Variants in PCDHA1 observed in about 807,000 individuals in gnomAD.
PCDHA1 encodes protocadherin alpha 1.
In PCDHA1, 42 loss-of-function variants were observed where a neutral mutation model predicts 61.3. The ratio of observed to expected loss-of-function variants is 0.69; its 90% CI spans 0.54 to 0.89. The LOEUF is 0.89. PCDHA1 is among the 40% of genes least tolerant of loss of function. PCDHA1 has a pLI of 0.00. For missense variants in PCDHA1, 1,256 were observed against 1,235.3 expected (o/e 1.02, Z -0.25); for synonymous variants, 610 against 553.8 (o/e 1.10, Z -1.43).
At position 140,848,233 on chromosome 5, in the gene PCDHA1, TAA is replaced by T. The variant is rs1363334655; in HGVS notation, c.2394+59550_2394+59551del. The stretch of plus-strand genomic sequence containing the variant: ...TTAAGAAAAAATTAAGAAAATGAAA[TAA>T]GTTTTGCAGAATAACTGTGAAATTT... On this transcript the variant is annotated intron_variant, in intron 1 of 3. Transcript: ENST00000504120. The T allele has an allele frequency of 7.5e-5, 31 of 410,834 alleles. 1 individual carries two copies. Among genetic ancestry groups the T allele is most frequent in the Middle Eastern group, 1.3e-3 (2 of 1,546 alleles). 25.4% of individuals were successfully genotyped at this position (410,834 alleles called of 1,614,324 possible).
At chr5:140,878,174 T>C (rs1554170323) in intron 1 of PCDHA1, 2 of 167,818 alleles carry the variant, frequency 1.2e-5, no homozygotes, top group African/African-American at 2.4e-5. Flanking sequence ...TGTTCATAAT[T>C]TCAAGATTAC....
chr5:140,974,605 G>T (rs2096633635), intron 1 of PCDHA1, among the ~76,000 whole-genome samples: 1 of 152,088 alleles, frequency 6.6e-6, no homozygotes, highest in Non-Finnish European at 1.5e-5. Context: ...TCTGCCTCCA[G>T]GGTTCAAGCG....
intron 1 of PCDHA1, chr5:140,852,656 G>C (rs2042430108): frequency 1.0e-6 from 1 of 961,570 alleles, no homozygotes; most frequent in African/African-American, 1.8e-5. Context: ...ATCTATATCT[G>C]TCTATCAGCA....
At chr5:140,829,826 G>C (rs2150175496) in intron 1 of PCDHA1, 2 of 1,613,796 alleles carry the variant, frequency 1.2e-6, no homozygotes, top group East Asian at 4.5e-5. Context: ...TGCAGTGAGC[G>C]AGCTGGTGCC....
At chr5:140,843,320 G>C in intron 1 of PCDHA1, 2 of 1,596,056 alleles carry the variant, frequency 1.3e-6, no homozygotes, top group Non-Finnish European at 1.7e-6. Context: ...CACGGTTCTG[G>C]TGTCGCTGGT....
intron 1 of PCDHA1, chr5:140,801,879 C>T (rs916926468): frequency 1.9e-6 from 3 of 1,614,128 alleles, no homozygotes; most frequent in Non-Finnish European, 2.5e-6. Flanking sequence ...CACGACTCAA[C>T]TAAAGATCAC....
chr5:140,847,157 T>G (rs1780881286), intron 1 of PCDHA1, among the ~76,000 whole-genome samples: 1 of 149,630 alleles, frequency 6.7e-6, no homozygotes. Context: ...TCTTGATTTC[T>G]GAGTAATAAA....
chr5:140,857,949 G>A (rs1554150927), intron 1 of PCDHA1: 3 of 1,597,424 alleles, frequency 1.9e-6, no homozygotes, highest in Non-Finnish European at 2.6e-6. Flanking sequence ...AGTACGACGC[G>A]CGCTCTGGAT....
At chr5:140,842,984 G>C in intron 1 of PCDHA1, 2 of 1,595,034 alleles carry the variant, frequency 1.3e-6, no homozygotes. Flanking sequence ...GCAGGTGTTC[G>C]TGCTGGACGA....
At chr5:140,875,667 G>A (rs376967983) in intron 1 of PCDHA1, 10 of 1,613,820 alleles carry the variant, frequency 6.2e-6, no homozygotes, top group East Asian at 4.5e-5. Flanking sequence ...GCCTGTTCCG[G>A]GTGGCGTCCA....
intron 1 of PCDHA1, among the ~76,000 whole-genome samples, chr5:140,957,462 T>C (rs574379806): frequency 8.3e-4 from 126 of 152,308 alleles, no homozygotes; most frequent in African/African-American, 2.9e-3. Context: ...ATCATAGGTA[T>C]GTATGTATAG....
intron 1 of PCDHA1, among the ~76,000 whole-genome samples, chr5:140,845,833 T>G (rs1323820046): frequency 2.0e-5 from 3 of 149,812 alleles, no homozygotes; most frequent in Non-Finnish European, 4.5e-5. Context: ...GTTATTACCA[T>G]TCTTAAGAGA....
chr5:140,798,355 G>A (rs973220775), intron 1 of PCDHA1, among the ~76,000 whole-genome samples: 3 of 152,126 alleles, frequency 2.0e-5, no homozygotes, highest in African/African-American at 7.2e-5. Context: ...TAACATTTTT[G>A]AGTTATCAGG....
At chr5:140,835,709 C>T (rs2150242768) in intron 1 of PCDHA1, 29 of 1,613,350 alleles carry the variant, frequency 1.8e-5, no homozygotes, top group Middle Eastern at 3.3e-4. Context: ...CTAGCGTGTC[C>T]GTGGAGGTGG....
intron 1 of PCDHA1, chr5:140,805,004 T>C (rs890483200): frequency 6.5e-7 from 1 of 1,539,454 alleles, no homozygotes; most frequent in Non-Finnish European, 8.7e-7. Context: ...AAAAATTTAG[T>C]TCTGTTATCA....
At chr5:140,952,449 G>C (rs549255236) in intron 1 of PCDHA1, among the ~76,000 whole-genome samples, 1 of 152,242 alleles carries the variant, frequency 6.6e-6, no homozygotes. Context: ...AATACAGCCA[G>C]GCTCTTTGCT....
intron 1 of PCDHA1, among the ~76,000 whole-genome samples, chr5:140,977,960 A>G (rs760810328): frequency 9.2e-5 from 14 of 152,142 alleles, no homozygotes; most frequent in Non-Finnish European, 1.3e-4. Flanking sequence ...GGCCACCTCA[A>G]TCTCCGCCCA....
chr5:140,825,211 T>C (rs2150138594), intron 1 of PCDHA1: 1 of 151,768 alleles, frequency 6.6e-6, no homozygotes, highest in Non-Finnish European at 1.5e-5. Flanking sequence ...ATTACTGAAG[T>C]AGATTTGTTT....
intron 1 of PCDHA1, chr5:140,847,393 A>G (rs997317821): frequency 1.3e-5 from 2 of 149,740 alleles, no homozygotes; most frequent in African/African-American, 4.9e-5. Context: ...AAAAACATTA[A>G]TGGCACAATA....
Sources: allele counts gnomAD v4.1 joint callset (sites outside exome capture counted in the v4.1 genomes callset), GRCh38; gene constraint gnomAD v4.1.1; transcripts MANE v1.5; gene names NCBI Gene and HGNC (gene_info 2026-07-23, HGNC 2026-07-21).